RBFOX1: variants seen among roughly 807,000 people sequenced by gnomAD.
RBFOX1 encodes the protein RNA binding protein fox-1 homolog 1.
RBFOX1 carries 8 observed loss-of-function variants against 57.7 expected under a neutral mutation model. The observed-to-expected ratio is 0.14, with a 90% CI of 0.08 to 0.25. The LOEUF is 0.25. RBFOX1 is among the 10% of genes least tolerant of loss of function. The pLI is 1.00. For synonymous variants in RBFOX1, 326 were observed against 222.4 expected (o/e 1.47, Z -4.15); for missense variants, 611 against 548.5 (o/e 1.11, Z -1.14).
chr16:7,508,942 T>G (rs1041295255), intron 4 of RBFOX1, among the ~76,000 whole-genome samples: 51 of 152,206 alleles, frequency 3.4e-4, no homozygotes, highest in Non-Finnish European at 4.3e-4. Context: ...ACCTCTCCCT[T>G]GACAAGCAAG....
intron 1 of RBFOX1, among the ~76,000 whole-genome samples, chr16:6,263,862 A>C (rs1347964398): frequency 1.3e-5 from 2 of 152,196 alleles, no homozygotes; most frequent in Admixed American, 6.6e-5. Flanking sequence ...GAAAGTTGGA[A>C]CCAAAAGTGT....
chr16:6,089,150 T>C (rs2152526657), intron 1 of RBFOX1, among the ~76,000 whole-genome samples: 1 of 151,788 alleles, frequency 6.6e-6, no homozygotes, highest in African/African-American at 2.4e-5. Flanking sequence ...GACCACCAAG[T>C]GATCATTTAT....
chr16:5,841,074 G>A (rs951964760), intron 3 of RBFOX1, among the ~76,000 whole-genome samples: 7 of 152,182 alleles, frequency 4.6e-5, no homozygotes, highest in African/African-American at 1.7e-4. Flanking sequence ...GGAGCTGAGG[G>A]TCCTGGGAAT....
intron 3 of RBFOX1, among the ~76,000 whole-genome samples, chr16:6,891,977 G>T (rs1456702228): frequency 6.6e-6 from 1 of 152,122 alleles, no homozygotes; most frequent in African/African-American, 2.4e-5. Context: ...TTTGCATTTT[G>T]ATCCTGCTTA....
At chr16:7,057,950 G>C (rs1464202441) in intron 4 of RBFOX1, among the ~76,000 whole-genome samples, 1 of 149,340 alleles carries the variant, frequency 6.7e-6, no homozygotes, top group Non-Finnish European at 1.5e-5. Flanking sequence ...GGAGGTTGCA[G>C]TGAGCAGAGA....
At chr16:6,269,349 T>C (rs1467569275) in intron 1 of RBFOX1, among the ~76,000 whole-genome samples, 2 of 152,192 alleles carry the variant, frequency 1.3e-5, no homozygotes, top group East Asian at 1.9e-4. Context: ...ATAGAACCCA[T>C]GGATATAGAG....
chr16:7,347,397 A>T (rs552913183), intron 4 of RBFOX1, among the ~76,000 whole-genome samples: 7 of 152,120 alleles, frequency 4.6e-5, no homozygotes, highest in Non-Finnish European at 7.4e-5. Flanking sequence ...TTGTTTTTAA[A>T]ATCATCAGGT....
intron 4 of RBFOX1, among the ~76,000 whole-genome samples, chr16:7,500,541 G>T (rs2070399384): frequency 6.6e-6 from 1 of 152,140 alleles, no homozygotes; most frequent in African/African-American, 2.4e-5. Context: ...GTTGTAGCTA[G>T]ACTTGTCGGG....
chr16:6,540,537 G>C (rs907522640), intron 2 of RBFOX1, among the ~76,000 whole-genome samples: 2 of 146,392 alleles, frequency 1.4e-5, no homozygotes, highest in African/African-American at 5.0e-5. Flanking sequence ...GCTTGAACCT[G>C]GGAGGCCGAG....
At chr16:7,656,802 A>G (rs764456560) in intron 12 of RBFOX1, among the ~76,000 whole-genome samples, 3 of 152,172 alleles carry the variant, frequency 2.0e-5, no homozygotes, top group African/African-American at 7.2e-5. Context: ...GTGATAAGTG[A>G]TACAAGAGGA....
At chr16:7,043,604 A>G (rs34847115) in intron 3 of RBFOX1, among the ~76,000 whole-genome samples, 20,658 of 152,260 alleles carry the variant, frequency 0.14, 2,534 homozygotes, top group African/African-American at 0.31. Flanking sequence ...ATTGAGTTCT[A>G]TGCTGGTAAA....
intron 1 of RBFOX1, among the ~76,000 whole-genome samples, chr16:5,451,003 A>G (rs1245231430): frequency 1.2e-4 from 18 of 152,204 alleles, no homozygotes. Context: ...GACTGTGATG[A>G]TTAAATTAGG....
intron 1 of RBFOX1, among the ~76,000 whole-genome samples, chr16:6,181,629 G>C (rs150446532): frequency 1.6e-4 from 25 of 152,210 alleles, no homozygotes; most frequent in African/African-American, 5.5e-4. Context: ...TCCTGTGGTG[G>C]GGGGGAGGAG....
chr16:5,249,482 C>T (rs541152646), intron 1 of RBFOX1, among the ~76,000 whole-genome samples: 309 of 152,324 alleles, frequency 2.0e-3, no homozygotes, highest in African/African-American at 7.0e-3. Flanking sequence ...TTGACTGATC[C>T]ATTCATGTTT....
chr16:5,895,587 A>G (rs1024515553), intron 4 of RBFOX1, among the ~76,000 whole-genome samples: 2 of 152,216 alleles, frequency 1.3e-5, no homozygotes, highest in Admixed American at 6.5e-5. Flanking sequence ...GGCCCAGGGC[A>G]TAGGAAGGAG....
intron 2 of RBFOX1, among the ~76,000 whole-genome samples, chr16:5,593,138 AC>A (rs141199996): frequency 0.027 from 4,089 of 152,290 alleles, 160 homozygotes; most frequent in African/African-American, 0.093. Context: ...TGGCACATAT[AC>A]ACCATGGGAT....
chr16:5,735,581 G>A (rs186565295), intron 3 of RBFOX1, among the ~76,000 whole-genome samples: 1 of 152,192 alleles, frequency 6.6e-6, no homozygotes, highest in African/African-American at 2.4e-5. Flanking sequence ...GAGTAGAAGA[G>A]GACTTAGTTG....
chr16:5,513,159 G>T (rs1342925539), intron 2 of RBFOX1, among the ~76,000 whole-genome samples: 1 of 152,120 alleles, frequency 6.6e-6, no homozygotes, highest in Non-Finnish European at 1.5e-5. Flanking sequence ...AAGTGATCTG[G>T]ACTCAGCTTC....
chr16:6,927,102 T>C (rs2075729238), intron 3 of RBFOX1, among the ~76,000 whole-genome samples: 1 of 152,072 alleles, frequency 6.6e-6, no homozygotes, highest in Non-Finnish European at 1.5e-5. Context: ...GAGTTTGCAT[T>C]AGCTTCCCCC....
Sources: allele counts gnomAD v4.1 joint callset (sites outside exome capture counted in the v4.1 genomes callset), GRCh38; gene constraint gnomAD v4.1.1; transcripts MANE v1.5; gene names NCBI Gene and HGNC (gene_info 2026-07-23, HGNC 2026-07-21).